Variants in LRP4 observed in about 807,000 individuals in gnomAD.
LRP4 encodes the protein low-density lipoprotein receptor-related protein 4.
LRP4 carries 95 observed loss-of-function variants against 220.3 expected under a neutral mutation model. The ratio of observed to expected loss-of-function variants is 0.43; its 90% CI spans 0.37 to 0.51. The LOEUF (loss-of-function observed/expected upper bound fraction) is 0.51, where lower values mean the gene tolerates loss of function less well. Ranked by LOEUF, LRP4 falls within the 20% of genes least tolerant of loss-of-function variation. LRP4 has a pLI of 0.00. For synonymous variants in LRP4, 903 were observed against 954.6 expected (o/e 0.95, Z 1.00); for missense variants, 1,925 against 2,567.0 (o/e 0.75, Z 5.40).
chr11:46,878,151 A>G (rs763192067), intron 22 of LRP4, among the ~76,000 whole-genome samples: 11 of 152,262 alleles, frequency 7.2e-5, no homozygotes, highest in Middle Eastern at 6.8e-3. Flanking sequence ...GGACCCTCCA[A>G]TAAGGTTGTC....
intron 3 of LRP4, 36 bp from the exon 4 acceptor site, chr11:46,900,012 TG>T (rs1357785380): frequency 6.6e-7 from 1 of 1,520,230 alleles, no homozygotes; most frequent in Non-Finnish European, 9.1e-7. Context: ...CTGCAGGCAG[TG>T]GGGGTCTGGT....
intron 7 of LRP4, among the ~76,000 whole-genome samples, chr11:46,898,166 T>A: frequency 6.6e-6 from 1 of 151,760 alleles, no homozygotes; most frequent in Non-Finnish European, 1.5e-5. Context: ...CACTTCCCAG[T>A]AGGGGCGGCC....
chr11:46,871,647 G>C lies in LRP4; in HGVS notation c.4584-14C>G, dbSNP rs769261146. ...ACCCAGTAGATCCTGCGAAGAAAATGAAAAGAGTGGCTGCTCCAAACGCTT... is the reference window on the plus strand; with the variant it reads ...ACCCAGTAGATCCTGCGAAGAAAATCAAAAGAGTGGCTGCTCCAAACGCTT... On this transcript the variant is annotated splice_polypyrimidine_tract_variant and intron_variant, in intron 30 of 37. Coordinates refer to ENST00000378623, the MANE Select transcript of LRP4 (RefSeq NM_002334.4). 6.4e-7 allele frequency: 1 copy of C among 1,559,582 alleles called. No individual in the cohort carries two copies. Among genetic ancestry groups the C allele is most frequent in the Non-Finnish European group, 8.8e-7 (1 of 1,136,800 alleles).
chr11:46,910,470 G>T (rs1052176746), intron 1 of LRP4, among the ~76,000 whole-genome samples: 3 of 152,142 alleles, frequency 2.0e-5, no homozygotes, highest in East Asian at 1.9e-4. Context: ...TACTATTAAA[G>T]ATTTGGCTTA....
chr11:46,891,468 C>G (rs1195352786), intron 13 of LRP4, among the ~76,000 whole-genome samples: 4 of 141,502 alleles, frequency 2.8e-5, no homozygotes, highest in African/African-American at 1.1e-4. Context: ...CACACACAGA[C>G]ACACACACAT....
In LRP4 at chr11:46,914,208, AC is replaced by A. The variant is rs372828439; in HGVS notation, c.52+4119del. On this transcript the variant is annotated intron_variant, in intron 1 of 37. Transcript: ENST00000378623. ...ATTACTACTTCCCTTCCCCTACCCT[AC>A]CCGCCTTTGCAGGTAACAACCCTGA... 4.7e-3 allele frequency among the ~76,000 whole-genome samples: 718 copies of A among 152,076 alleles called. 1 individual carries two copies. The highest frequency in any genetic ancestry group is 0.017 in the African/African-American group (695 of 41,432).
intron 36 of LRP4, among the ~76,000 whole-genome samples, chr11:46,863,447 A>G (rs1351384307): frequency 2.6e-5 from 4 of 152,042 alleles, no homozygotes; most frequent in Non-Finnish European, 5.9e-5. Flanking sequence ...GATATAATCT[A>G]AACTCTCTGG....
Position 46,899,912 on chromosome 11 carries a change from C to T in LRP4, c.381G>A (p.Trp127Ter). Residue 127 changes from tryptophan (W) to a stop codon, truncating the protein, a stop_gained, in exon 4 of 38, where the codon TGG becomes TGA. Transcript: ENST00000378623. LOFTEE classifies it high-confidence loss of function. This position sits in a 1 kb window ranked among gnomAD's most constrained non-coding sequence, Gnocchi z 5.9. The part of the protein sequence containing the change: ...CQNGYCIRSL[W>*]HCDGDNDCGD... ...CACAGTCATTGTCACCATCGCAGTGCCACAGACTCCGGATGCAGTAGCCAT... is the reference window on the plus strand; with the variant it reads ...CACAGTCATTGTCACCATCGCAGTGTCACAGACTCCGGATGCAGTAGCCAT... 1.9e-6 allele frequency: 3 copies of T among 1,613,986 alleles called. No homozygotes were observed. Among genetic ancestry groups the T allele is most frequent in the Non-Finnish European group, 1.7e-6 (2 of 1,180,040 alleles).
rs373625784 is a variant in LRP4, at chr11:46,902,805, G to A, written c.177C>T (p.Asp59=). ...WQCDGDNDCG[D]HSDEDGCILP... ...TACTACATCCATCCTCATCGCTGTG[G>A]TCCCCGCAGTCATTGTCTCCATCAC... is the stretch of plus-strand genomic sequence containing the variant. The change falls in exon 2 of 38, where the codon GAC becomes GAT. Residue 59 remains aspartate, a synonymous_variant. Transcript: ENST00000378623. 16 of 1,613,966 alleles carry A rather than the reference G, an allele frequency of 9.9e-6. No individual in the cohort carries two copies. In the African/African-American group the frequency reaches 2.0e-4, roughly 20 times the overall value.
intron 1 of LRP4, among the ~76,000 whole-genome samples, chr11:46,906,861 T>G (rs1023944172): frequency 1.3e-5 from 2 of 152,148 alleles, no homozygotes; most frequent in Admixed American, 1.3e-4. Flanking sequence ...CTCGACTTCC[T>G]GCATGTCAAA....
chr11:46,906,521 T>G (rs1168137495), intron 1 of LRP4, among the ~76,000 whole-genome samples: 2 of 151,780 alleles, frequency 1.3e-5, no homozygotes, highest in Non-Finnish European at 2.9e-5. Flanking sequence ...ATCTTATGCC[T>G]TGGCACACCA....
intron 1 of LRP4, among the ~76,000 whole-genome samples, chr11:46,916,738 T>C (rs1227387475): frequency 6.6e-6 from 1 of 152,156 alleles, no homozygotes; most frequent in African/African-American, 2.4e-5. Context: ...CCATTTCCCT[T>C]GATCTTTTTC....
intron 11 of LRP4, 125 bp from the exon 12 acceptor site, chr11:46,894,944 T>A (rs1941494483): frequency 9.7e-7 from 1 of 1,029,912 alleles, no homozygotes; most frequent in South Asian, 1.3e-5. Flanking sequence ...GCTGTCAGCA[T>A]CAGTACCAGA....
At position 46,890,170 on chromosome 11, in the gene LRP4, C is replaced by T; in HGVS notation, c.1916-50G>A. 2 of 1,607,796 alleles carry T rather than the reference C, an allele frequency of 1.2e-6. No individual in the cohort carries two copies. Among genetic ancestry groups the T allele is most frequent in the South Asian group, 1.1e-5 (1 of 90,930 alleles). On this transcript the variant is annotated intron_variant, in intron 14 of 37. Transcript: ENST00000378623. This position sits in a 1 kb window ranked among gnomAD's most constrained non-coding sequence, Gnocchi z 5.3. ...AGTCTGGACGTGGTCTGCCATGTCCCCTGGGCCCAGGCCTGGCAACTACAC... is the reference window on the plus strand; with the variant it reads ...AGTCTGGACGTGGTCTGCCATGTCCTCTGGGCCCAGGCCTGGCAACTACAC...
In LRP4 at chr11:46,873,611, G is replaced by A. The variant is rs774293194; in HGVS notation, c.4230-18C>T. The A allele has an allele frequency of 6.2e-7, 1 of 1,602,286 alleles. No individual in the cohort carries two copies. Among genetic ancestry groups the A allele is most frequent in the South Asian group, 1.1e-5 (1 of 90,450 alleles). On this transcript the variant is annotated intron_variant, in intron 28 of 37. Transcript: ENST00000378623. The surrounding 1 kb of genome is among the most constrained non-coding windows in gnomAD (Gnocchi z 4.2). ...CTGCTCGCCTTGGGGAGAGCCCAGT[G>A]TTGGATGAGCAACCAGACTGACCCA... is the stretch of plus-strand genomic sequence containing the variant.
At position 46,874,908 on chromosome 11, in the gene LRP4, T is replaced by C; in HGVS notation, c.4121A>G (p.His1374Arg). 6.2e-7 allele frequency: 1 copy of C among 1,614,124 alleles called. No individual in the cohort carries two copies. The highest frequency in any genetic ancestry group is 1.1e-5 in the South Asian group (1 of 91,082). ...AGGAACAGGGACATGCACATCGGTGTGGTCACTGGTGTCCAGTGAGATACG... is the reference window on the plus strand; with the variant it reads ...AGGAACAGGGACATGCACATCGGTGCGGTCACTGGTGTCCAGTGAGATACG... ...IRRISLDTSD[H>R]TDVHVPVPEL... The change falls in exon 28 of 38, where the codon CAC (histidine) becomes CGC (arginine). Residue 1374 changes from histidine (H) to arginine (R), a missense_variant. By Grantham distance (29) the His-to-Arg change is conservative. Coordinates refer to ENST00000378623, the MANE Select transcript of LRP4 (RefSeq NM_002334.4).
intron 1 of LRP4, among the ~76,000 whole-genome samples, chr11:46,910,295 C>A (rs1941837726): frequency 1.3e-5 from 2 of 152,184 alleles, no homozygotes; most frequent in Non-Finnish European, 2.9e-5. Context: ...CCCTGGGCAG[C>A]TATTTAACCT....
At position 46,859,241 on chromosome 11, in the gene LRP4, A is replaced by C; in HGVS notation, c.5460T>G (p.Asp1820Glu). 1.9e-6 allele frequency: 3 copies of C among 1,614,098 alleles called. No individual in the cohort carries two copies. The highest frequency in any genetic ancestry group is 2.5e-6 in the Non-Finnish European group (3 of 1,180,016). ...VEGICLLSGD[D>E]AEWDDLKQLR... Reference sequence around the variant, plus strand: ...GTTGCTTGAGGTCATCCCACTCAGCATCATCCCCAGACAGGAGGCAGATTC... The same window carrying C: ...GTTGCTTGAGGTCATCCCACTCAGCCTCATCCCCAGACAGGAGGCAGATTC... Residue 1820 changes from aspartate to glutamate, a missense_variant, in exon 38 of 38, where the codon GAT becomes GAG. Asp to Glu is a conservative substitution (Grantham distance 45). Around this residue, in one of 3 missense-constraint regions of LRP4, gnomAD observed 1,244 missense variants for 1,624.9 expected, o/e 0.77. Coordinates refer to ENST00000378623, the MANE Select transcript of LRP4 (RefSeq NM_002334.4).
At position 46,899,971 on chromosome 11, in the gene LRP4, G is replaced by C. The variant is rs775191643; in HGVS notation, c.322C>G (p.Arg108Gly). The C allele has an allele frequency of 4.3e-6, 7 of 1,610,190 alleles. No individual in the cohort carries two copies. In the South Asian group the frequency reaches 7.7e-5, roughly 18 times the overall value. The change falls in exon 4 of 38, where the codon CGG becomes GGG. Residue 108 changes from arginine to glycine, a missense_variant. This residue lies in a region of LRP4 where 412 missense variants were observed against 505.4 expected (regional missense o/e 0.82). Transcript: ENST00000378623. The surrounding 1 kb of genome is among the most constrained non-coding windows in gnomAD (Gnocchi z 5.9). ...GGAAACTCGTCCTCCTCACACTCCC[G>C]GGGGGCTGTGGGCACAGAGCAGTCA... ...DDSDEQDCPPRECEEDEFPCQ... is the reference protein window; with the variant it reads ...DDSDEQDCPPGECEEDEFPCQ...
Sources: allele counts gnomAD v4.1 joint callset (sites outside exome capture counted in the v4.1 genomes callset), GRCh38; gene constraint gnomAD v4.1.1; regional missense constraint gnomAD v4.1.1; non-coding constraint Gnocchi (gnomAD v3.1); transcripts MANE v1.5; gene names NCBI Gene and HGNC (gene_info 2026-07-23, HGNC 2026-07-21).